The following TMTC2 variants were observed in gnomAD, a reference collection of about 807,000 sequenced individuals.
TMTC2 encodes protein O-mannosyl-transferase TMTC2.
In TMTC2, 43 loss-of-function variants were observed where a neutral mutation model predicts 82.4. That is an observed-to-expected ratio of 0.52 (90% CI 0.41 to 0.67). TMTC2 has a LOEUF of 0.67. TMTC2 is among the 30% of genes least tolerant of loss of function. The pLI is 0.00. For missense variants in TMTC2, 919 were observed against 1,012.4 expected, an observed-to-expected ratio of 0.91 and a Z score of 1.25; for synonymous variants, 408 against 381.9, an observed-to-expected ratio of 1.07 and a Z score of -0.80.
chr12:83,035,410 A>G (rs1285710783), intron 9 of TMTC2, among the ~76,000 whole-genome samples: 1 of 152,146 alleles, frequency 6.6e-6, no homozygotes, highest in Non-Finnish European at 1.5e-5. Flanking sequence ...TGGTACCTAT[A>G]GTCTCTGGGA....
intron 8 of TMTC2, among the ~76,000 whole-genome samples, chr12:83,002,577 T>C (rs1309727104): frequency 6.6e-6 from 1 of 152,152 alleles, no homozygotes; most frequent in East Asian, 1.9e-4. Flanking sequence ...AACATTGCTT[T>C]TTCATCCCAA....
intron 1 of TMTC2, among the ~76,000 whole-genome samples, chr12:82,713,328 AAAAC>A (rs1035420976): frequency 6.6e-6 from 1 of 150,920 alleles, no homozygotes; most frequent in African/African-American, 2.4e-5. Context: ...AAAAAAAAGA[AAAAC>A]AAAAAAAAAC....
At chr12:83,003,166 A>AT (rs1214494796) in intron 8 of TMTC2, among the ~76,000 whole-genome samples, 12 of 152,108 alleles carry the variant, frequency 7.9e-5, no homozygotes, top group Non-Finnish European at 1.2e-4. Context: ...TCATCATCAT[A>AT]TAATACCCTT....
chr12:82,937,749 T>TATATATATATATATAC (rs1565818189), intron 4 of TMTC2, among the ~76,000 whole-genome samples: 12 of 100,058 alleles, frequency 1.2e-4, no homozygotes, highest in African/African-American at 5.9e-4. Context: ...TGTGTGTGTG[T>TATATATATATATATAC]GTATATATAT....
At position 82,746,748 on chromosome 12, in the gene TMTC2, T is replaced by C. The variant is rs144977359; in HGVS notation, c.83+59079T>C. 2.4e-3 allele frequency among the ~76,000 whole-genome samples: 358 copies of C among 152,274 alleles called. 2 individuals are homozygous for C. Among genetic ancestry groups the C allele is most frequent in the African/African-American group, 7.9e-3 (329 of 41,556 alleles). On this transcript the variant is annotated intron_variant, in intron 1 of 11. Coordinates refer to ENST00000321196, the MANE Select transcript of TMTC2 (RefSeq NM_152588.3). ...AGCAAACCATTCAGAGAGTTTTCTC[T>C]AGCAACGGCAGAACAGGAAGCCAGC... is the stretch of plus-strand genomic sequence containing the variant.
chr12:82,715,988 A>G (rs1317195792), intron 1 of TMTC2, among the ~76,000 whole-genome samples: 1 of 152,160 alleles, frequency 6.6e-6, no homozygotes, highest in East Asian at 1.9e-4. Flanking sequence ...TTCATTAGGA[A>G]GTAGTGTATT....
intron 3 of TMTC2, among the ~76,000 whole-genome samples, chr12:82,922,196 T>C (rs1360830085): frequency 6.6e-6 from 1 of 152,184 alleles, no homozygotes; most frequent in Non-Finnish European, 1.5e-5. Context: ...ATTGCACTTT[T>C]AAAAGATTAT....
chr12:83,066,311 A>G (rs1028582946), intron 11 of TMTC2, among the ~76,000 whole-genome samples: 2 of 151,946 alleles, frequency 1.3e-5, no homozygotes, highest in South Asian at 2.1e-4. Flanking sequence ...TAGGATGCTT[A>G]TAAGTAAGGA....
intron 4 of TMTC2, among the ~76,000 whole-genome samples, chr12:82,957,838 G>GT (rs1877696633): frequency 6.6e-6 from 1 of 151,820 alleles, no homozygotes; most frequent in Non-Finnish European, 1.5e-5. Context: ...GACTAATACT[G>GT]ACTTTGGAAA....
chr12:82,889,282 A>AC (rs1555194663), intron 2 of TMTC2, among the ~76,000 whole-genome samples: 2,438 of 149,408 alleles, frequency 0.016, 74 homozygotes, highest in African/African-American at 0.053. Context: ...AAAAAAAAAA[A>AC]AGTGTAGGAA....
chr12:82,853,054 CTA>C (rs1414293583), intron 1 of TMTC2, among the ~76,000 whole-genome samples: 1 of 151,722 alleles, frequency 6.6e-6, no homozygotes, highest in East Asian at 1.9e-4. Flanking sequence ...GTTTTATTAA[CTA>C]TGTTTGTCTT....
chr12:82,934,207 C>A (rs909738425), intron 4 of TMTC2, among the ~76,000 whole-genome samples: 2 of 152,116 alleles, frequency 1.3e-5, no homozygotes, highest in African/African-American at 4.8e-5. Context: ...GATTGTGTAT[C>A]TGTGCAACAC....
intron 11 of TMTC2, among the ~76,000 whole-genome samples, chr12:83,074,495 C>T (rs1883219884): frequency 1.3e-5 from 2 of 152,116 alleles, no homozygotes; most frequent in Admixed American, 1.3e-4. Context: ...AGCCCAGACT[C>T]TCCTTGGGTG....
intron 4 of TMTC2, among the ~76,000 whole-genome samples, chr12:82,930,969 C>T (rs1238472879): frequency 3.3e-5 from 5 of 152,016 alleles, no homozygotes; most frequent in Non-Finnish European, 5.9e-5. Flanking sequence ...AGTGCAGAGA[C>T]GCTGTCATAG....
chr12:82,690,995 TC>T (rs1297723847), intron 1 of TMTC2, among the ~76,000 whole-genome samples: 1 of 152,062 alleles, frequency 6.6e-6, no homozygotes, highest in Non-Finnish European at 1.5e-5. Flanking sequence ...ATGAGAGGAG[TC>T]AGTTTACTTC....
intron 11 of TMTC2, among the ~76,000 whole-genome samples, chr12:83,091,775 G>A (rs1355580078): frequency 6.6e-6 from 1 of 152,240 alleles, no homozygotes; most frequent in East Asian, 1.9e-4. Flanking sequence ...TGTGTTACCT[G>A]TCTTGTTTGA....
rs111845083 is a variant in TMTC2, at chr12:83,033,673, C to T, written c.2152+2794C>T. The stretch of plus-strand genomic sequence containing the variant: ...GGCTGAGGCAGGAGAATCACTTGAA[C>T]CCGGGAGGCAGAAGTTGCAGTGAGC... On this transcript the variant is annotated intron_variant, in intron 9 of 11. Transcript: ENST00000321196. Among the ~76,000 whole-genome samples, 233 of 151,978 alleles carry T rather than the reference C, an allele frequency of 1.5e-3. 2 individuals are homozygous for T. The highest frequency in any genetic ancestry group is 2.9e-3 in the Admixed American group (45 of 15,256).
intron 8 of TMTC2, among the ~76,000 whole-genome samples, chr12:82,994,295 A>G (rs1234357493): frequency 6.6e-6 from 1 of 152,128 alleles, no homozygotes; most frequent in African/African-American, 2.4e-5. Context: ...CTGGGACTAC[A>G]GGTGCCCGCT....
rs531851144 is a variant in TMTC2, at chr12:83,133,084, T to C, written c.*695T>C. ...GAGCTAACCATACTTCACACTCGAG[T>C]TGTATGAGGGACTGGGGAGGCCTTA... On this transcript the variant is annotated 3_prime_UTR_variant, in exon 12 of 12. Transcript: ENST00000321196. 6.6e-6 allele frequency: 1 copy of C among 152,250 alleles called. No homozygotes were observed. The highest frequency in any genetic ancestry group is 6.5e-5 in the Admixed American group (1 of 15,292). 9.4% of individuals were successfully genotyped at this position (152,250 alleles called of 1,614,324 possible).
Sources: gnomAD v4.1 joint callset for allele counts (sites outside exome capture counted in the v4.1 genomes callset) on GRCh38, gnomAD v4.1.1 for gene constraint, MANE v1.5 for transcripts, NCBI Gene and HGNC (gene_info 2026-07-23, HGNC 2026-07-21) for gene names.